The following MRAP variants were observed in gnomAD, a reference collection of about 807,000 sequenced individuals.
MRAP encodes the protein melanocortin 2 receptor accessory protein.
A neutral mutation model predicts 8.7 loss-of-function variants in MRAP; 8 were observed. The ratio of observed to expected loss-of-function variants is 0.92; its 90% CI spans 0.54 to 1.66. The LOEUF (loss-of-function observed/expected upper bound fraction) is 1.66, where lower values mean the gene tolerates loss of function less well. Ranked by LOEUF, MRAP falls within the 40% of genes most tolerant of loss-of-function variation. The pLI is 0.00. For synonymous variants in MRAP, 95 were observed against 95.5 expected (o/e 1.00, Z 0.03); for missense variants, 237 against 217.1 (o/e 1.09, Z -0.58).
At chr21:32,306,570 C>A in intron 1 of MRAP, 70 bp from the exon 2 acceptor site, 1 of 1,298,278 alleles carries the variant, frequency 7.7e-7, no homozygotes, top group Non-Finnish European at 1.1e-6. Context: ...CCCTGGGACT[C>A]CTTACTGCCC....
intron 2 of MRAP, among the ~76,000 whole-genome samples, chr21:32,309,512 C>T (rs1433576994): frequency 1.3e-5 from 2 of 151,130 alleles, no homozygotes; most frequent in Non-Finnish European, 3.0e-5. Flanking sequence ...AGTGCAGTGG[C>T]GTGATCTCGG....
chr21:32,303,821 T>C (rs1240326023), intron 1 of MRAP, among the ~76,000 whole-genome samples: 1 of 152,248 alleles, frequency 6.6e-6, no homozygotes, highest in South Asian at 2.1e-4. Context: ...GGAAAAAGAA[T>C]GATATTCTCT....
intron 1 of MRAP, among the ~76,000 whole-genome samples, chr21:32,304,476 G>A (rs930900918): frequency 5.9e-5 from 9 of 152,100 alleles, no homozygotes; most frequent in Non-Finnish European, 1.3e-4. Flanking sequence ...TTAGCTGGAT[G>A]TGGTGGTGGG....
upstream of MRAP, among the ~76,000 whole-genome samples, chr21:32,294,347 C>T (rs940558533): frequency 6.6e-6 from 1 of 152,120 alleles, no homozygotes; most frequent in Non-Finnish European, 1.5e-5. Context: ...GATCTCCTGA[C>T]CTTGTGACCC....
chr21:32,303,606 GGGA>G (rs1487434252), intron 1 of MRAP, among the ~76,000 whole-genome samples: 4 of 152,208 alleles, frequency 2.6e-5, no homozygotes, highest in African/African-American at 7.2e-5. Flanking sequence ...AGAACAGGCA[GGGA>G]GGAGAAGGGA....
In MRAP at chr21:32,312,185, C is replaced by T; in HGVS notation, c.*189C>T. The T allele has an allele frequency of 6.7e-7, 1 of 1,499,242 alleles. No homozygotes were observed. The highest frequency in any genetic ancestry group is 8.9e-7 in the Non-Finnish European group (1 of 1,127,214). The allele number at this position is 1,499,242 out of a possible 1,614,324, so 92.9% of individuals were successfully genotyped here. On this transcript the variant is annotated 3_prime_UTR_variant, in exon 3 of 3. Coordinates refer to ENST00000303645, the MANE Select transcript of MRAP (RefSeq NM_001379228.1). Reference sequence around the variant, plus strand: ...GTGGCCCCTCGAGTGCAGAGGTCATCCCAGGTGTTGCTGAGTTTATTGAGC... The same window carrying T: ...GTGGCCCCTCGAGTGCAGAGGTCATTCCAGGTGTTGCTGAGTTTATTGAGC...
chr21:32,312,230 A>T lies in MRAP; in HGVS notation c.*234A>T. ...TTGAGCACACCTAGCCTGCTTGCTT[A>T]CTGCTTATATTTGCTCAGGGAAGAG... On this transcript the variant is annotated 3_prime_UTR_variant, in exon 3 of 3. Coordinates refer to ENST00000303645, the MANE Select transcript of MRAP (RefSeq NM_001379228.1). 6.9e-7 allele frequency: 1 copy of T among 1,441,686 alleles called. No individual in the cohort carries two copies. Among genetic ancestry groups the T allele is most frequent in the Non-Finnish European group, 9.1e-7 (1 of 1,100,356 alleles). 89.3% of individuals were successfully genotyped at this position (1,441,686 alleles called of 1,614,324 possible). A position where few individuals can be genotyped will look rare whatever the true frequency, so the allele number is the denominator to read the frequency against.
At position 32,302,527 on chromosome 21, in the gene MRAP, C is replaced by G. The variant is rs577221052; in HGVS notation, c.106+3450C>G. 1.6e-4 allele frequency among the ~76,000 whole-genome samples: 24 copies of G among 152,338 alleles called. 1 individual carries two copies. The highest frequency in any genetic ancestry group is 6.8e-3 in the Middle Eastern group (2 of 294). On this transcript the variant is annotated intron_variant, in intron 1 of 2. Transcript: ENST00000303645. ...GGTAAAGAAAATGGATTACAACTAA[C>G]AGAGTACCAGATAAAACAGAAGTTA...
chr21:32,298,486 T>G, upstream of MRAP, among the ~76,000 whole-genome samples: 1 of 152,216 alleles, frequency 6.6e-6, no homozygotes, highest in South Asian at 2.1e-4. Context: ...AGCAGTTTGG[T>G]GGTTGCTCAA....
upstream of MRAP, among the ~76,000 whole-genome samples, chr21:32,296,248 A>G (rs1292659850): frequency 2.6e-5 from 4 of 152,104 alleles, no homozygotes; most frequent in Middle Eastern, 3.4e-3. Flanking sequence ...CTCCTTAAAG[A>G]TCCTATCTCC....
upstream of MRAP, among the ~76,000 whole-genome samples, chr21:32,298,333 T>C (rs2032179107): frequency 1.3e-5 from 2 of 151,900 alleles, no homozygotes; most frequent in African/African-American, 4.8e-5. Context: ...TTGGGGGGCT[T>C]AGATATAAGT....
intron 1 of MRAP, among the ~76,000 whole-genome samples, chr21:32,292,636 T>C (rs985434735): frequency 6.6e-6 from 1 of 151,950 alleles, no homozygotes; most frequent in Non-Finnish European, 1.5e-5. Context: ...TTTGTATTTT[T>C]AGTAGAGACA....
At chr21:32,298,078 C>T (rs1211250681), upstream of MRAP, among the ~76,000 whole-genome samples, 4 of 152,160 alleles carry the variant, frequency 2.6e-5, no homozygotes, top group Non-Finnish European at 5.9e-5. Flanking sequence ...TTCTAGGGTT[C>T]CTCTCACCTG....
intron 2 of MRAP, 37 bp from the exon 3 acceptor site, chr21:32,311,647 A>T (rs1248603989): frequency 6.2e-7 from 1 of 1,609,560 alleles, no homozygotes; most frequent in Non-Finnish European, 8.5e-7. Context: ...TTCTGCAGCA[A>T]CTATGATGCC....
At chr21:32,312,308 C>G, downstream of MRAP, 1 of 1,306,964 alleles carries the variant, frequency 7.7e-7, no homozygotes, top group African/African-American at 1.5e-5. Flanking sequence ...GCTTACTAAT[C>G]TTTACTATGC....
intron 1 of MRAP, among the ~76,000 whole-genome samples, chr21:32,305,782 G>A (rs988293396): frequency 3.3e-5 from 5 of 151,974 alleles, no homozygotes; most frequent in Admixed American, 6.6e-5. Context: ...ATTACGAGCC[G>A]GATTGCCCAC....
chr21:32,307,973 A>C (rs567152720), intron 2 of MRAP, among the ~76,000 whole-genome samples: 2 of 152,356 alleles, frequency 1.3e-5, no homozygotes, highest in South Asian at 4.1e-4. Context: ...TAAATGAGTC[A>C]ACCTCATGGA....
At chr21:32,303,618 G>A (rs1264360801) in intron 1 of MRAP, among the ~76,000 whole-genome samples, 1 of 152,226 alleles carries the variant, frequency 6.6e-6, no homozygotes, top group Non-Finnish European at 1.5e-5. Context: ...GAGGAGAAGG[G>A]AGGATAGGAG....
chr21:32,299,046 C>A lies in MRAP; in HGVS notation c.75C>A (p.Pro25=). The change falls in exon 1 of 3, where the codon CCC becomes CCA. Residue 25 remains proline, a synonymous_variant. Transcript: ENST00000303645. The part of the protein sequence containing the change: ...EYYLDYLDLI[P]VDEKKLKAHK... ...ACCTGGACTATCTGGACCTCATTCC[C>A]GTGGACGAGAAGAAGCTGAAAGCCC... 6.2e-7 allele frequency: 1 copy of A among 1,614,082 alleles called. No individual in the cohort carries two copies. The highest frequency in any genetic ancestry group is 8.5e-7 in the Non-Finnish European group (1 of 1,179,942).
Sources: allele counts gnomAD v4.1 joint callset (sites outside exome capture counted in the v4.1 genomes callset), GRCh38; gene constraint gnomAD v4.1.1; transcripts MANE v1.5; gene names NCBI Gene and HGNC (gene_info 2026-07-23, HGNC 2026-07-21).